The following RBL1 variants were observed in gnomAD, a reference collection of about 807,000 sequenced individuals.
RBL1 encodes the protein retinoblastoma-like protein 1.
RBL1 carries 82 observed loss-of-function variants against 123.0 expected under a neutral mutation model. That is an observed-to-expected ratio of 0.67 (90% CI 0.56 to 0.80). The LOEUF is 0.80. Ranked by LOEUF, RBL1 falls within the 30% of genes least tolerant of loss-of-function variation. The pLI, the probability that RBL1 is intolerant of heterozygous loss-of-function variation, is 0.00. For synonymous variants in RBL1, 405 were observed against 441.3 expected (o/e 0.92, Z 1.03); for missense variants, 1,171 against 1,299.6 (o/e 0.90, Z 1.52).
intron 21 of RBL1, among the ~76,000 whole-genome samples, chr20:37,000,814 T>G: frequency 6.4e-5 from 7 of 108,948 alleles, no homozygotes; most frequent in African/African-American, 1.1e-4. Context: ...GTCCGGGAGG[T>G]GAGGGGCGCC....
At chr20:37,084,654 C>T (rs1240364501) in intron 2 of RBL1, among the ~76,000 whole-genome samples, 1 of 152,030 alleles carries the variant, frequency 6.6e-6, no homozygotes, top group Non-Finnish European at 1.5e-5. Flanking sequence ...GCTGTGATCA[C>T]ACCACTACAC....
intron 2 of RBL1, among the ~76,000 whole-genome samples, chr20:37,072,049 G>A (rs2065289651): frequency 6.6e-6 from 1 of 152,182 alleles, no homozygotes; most frequent in African/African-American, 2.4e-5. Context: ...TGGACATGCT[G>A]ATATAATCTG....
At chr20:37,078,008 C>CA (rs2065391791) in intron 2 of RBL1, among the ~76,000 whole-genome samples, 1 of 152,172 alleles carries the variant, frequency 6.6e-6, no homozygotes, top group East Asian at 1.9e-4. Flanking sequence ...ACCAGTTCCT[C>CA]AGACTTCTTT....
chr20:37,034,611 G>A (rs778726784), intron 15 of RBL1, among the ~76,000 whole-genome samples: 2 of 152,030 alleles, frequency 1.3e-5, no homozygotes, highest in African/African-American at 2.4e-5. Context: ...TTGAGCCTGG[G>A]AGCAGAGGTT....
intron 19 of RBL1, 119 bp downstream of exon 19, chr20:37,018,160 A>G: frequency 8.7e-7 from 1 of 1,144,330 alleles, no homozygotes; most frequent in Non-Finnish European, 1.2e-6. Flanking sequence ...TTCAAAACAT[A>G]TGCATTGTCC....
chr20:37,064,380 C>G (rs941829750), intron 7 of RBL1, among the ~76,000 whole-genome samples: 4 of 151,590 alleles, frequency 2.6e-5, no homozygotes, highest in Non-Finnish European at 5.9e-5. Context: ...TCGTGATCTG[C>G]CTGCCTTGGC....
chr20:37,060,897 T>C (rs1421177785), intron 9 of RBL1, among the ~76,000 whole-genome samples: 1 of 152,176 alleles, frequency 6.6e-6, no homozygotes, highest in Non-Finnish European at 1.5e-5. Flanking sequence ...TACAGGTGTG[T>C]GCCACTGTGC....
intron 2 of RBL1, among the ~76,000 whole-genome samples, chr20:37,084,673 G>A (rs1035756971): frequency 4.6e-5 from 7 of 152,006 alleles, no homozygotes; most frequent in African/African-American, 1.7e-4. Context: ...ACTCCATCCT[G>A]AGTGACAGAG....
chr20:37,081,800 G>A (rs1312545536), intron 2 of RBL1: 1 of 330,374 alleles, frequency 3.0e-6, no homozygotes, highest in Non-Finnish European at 6.0e-6. Flanking sequence ...TTTAATTCCA[G>A]CTCCATCAAG....
intron 2 of RBL1, among the ~76,000 whole-genome samples, chr20:37,085,958 T>A (rs1025072166): frequency 1.1e-4 from 16 of 152,126 alleles, no homozygotes; most frequent in South Asian, 2.1e-4. Flanking sequence ...CTTGTTTTTT[T>A]AATTTGAAAT....
chr20:37,049,402 T>C, intron 11 of RBL1: 1 of 735,758 alleles, frequency 1.4e-6, no homozygotes, highest in Non-Finnish European at 2.5e-6. Flanking sequence ...GGCAAGCAAC[T>C]GGAAGATGTC....
intron 21 of RBL1, among the ~76,000 whole-genome samples, chr20:36,999,709 G>C (rs2063935011): frequency 6.6e-6 from 1 of 152,248 alleles, no homozygotes; most frequent in African/African-American, 2.4e-5. Flanking sequence ...GGCCGGGCCG[G>C]TCTCCAGCTC....
chr20:37,005,316 GAATT>G (rs1373413878), intron 20 of RBL1, among the ~76,000 whole-genome samples: 3 of 151,230 alleles, frequency 2.0e-5, no homozygotes, highest in Non-Finnish European at 4.4e-5. Flanking sequence ...CTGAGTTACA[GAATT>G]GCCTGAACCC....
In RBL1 at chr20:37,037,571, C is replaced by CT. The variant is rs375163790; in HGVS notation, c.1904-2064dup. 4.7e-3 allele frequency among the ~76,000 whole-genome samples: 706 copies of CT among 151,648 alleles called. 9 individuals are homozygous for CT. Among genetic ancestry groups the CT allele is most frequent in the African/African-American group, 0.016 (653 of 41,348 alleles). On this transcript the variant is annotated intron_variant, in intron 14 of 21. Coordinates refer to ENST00000373664, the MANE Select transcript of RBL1 (RefSeq NM_002895.5). ...ATTAATAACTGACAGAAAGAAGAGC[C>CT]TTTTTTTTAACATTTTGACAAGATT...
In RBL1 at chr20:36,996,986, A is replaced by T. The variant is rs2063895879; in HGVS notation, c.*1773T>A. ...AATGAAATTCTTGAGAATACTAATT[A>T]GTGACGGCCAAATCTTAGACTATTT... On this transcript the variant is annotated 3_prime_UTR_variant, in exon 22 of 22. Transcript: ENST00000373664. 1 of 152,230 alleles carries T rather than the reference A, an allele frequency of 6.6e-6. No homozygotes were observed. Among genetic ancestry groups the T allele is most frequent in the African/African-American group, 2.4e-5 (1 of 41,454 alleles). 9.4% of individuals were successfully genotyped at this position (152,230 alleles called of 1,614,324 possible). A position where few individuals can be genotyped will look rare whatever the true frequency, so the allele number is the denominator to read the frequency against.
At chr20:37,089,274 G>C in intron 1 of RBL1, 152 bp from the exon 2 acceptor site, 1 of 660,254 alleles carries the variant, frequency 1.5e-6, no homozygotes. Flanking sequence ...AGGTCACAAA[G>C]CTGTTAGTTG....
chr20:37,054,914 GAC>G (rs1472421180), intron 11 of RBL1, among the ~76,000 whole-genome samples: 1 of 152,020 alleles, frequency 6.6e-6, no homozygotes, highest in Non-Finnish European at 1.5e-5. Context: ...GAAAAAGAAA[GAC>G]ACAGAAAAGA....
chr20:37,075,235 CAG>C (rs2065345614), intron 2 of RBL1, among the ~76,000 whole-genome samples: 1 of 152,126 alleles, frequency 6.6e-6, no homozygotes. Flanking sequence ...TGAATGCTAA[CAG>C]GGGTTTCTTT....
chr20:37,040,221 A>G lies in RBL1; in HGVS notation c.1835T>C (p.Met612Thr), dbSNP rs1240828089. 3.1e-6 allele frequency: 5 copies of G among 1,614,046 alleles called. No homozygotes were observed. Among genetic ancestry groups the G allele is most frequent in the African/African-American group, 2.7e-5 (2 of 74,944 alleles). Residue 612 changes from methionine (M) to threonine (T), a missense_variant, in exon 14 of 22, where the codon ATG (methionine) becomes ACG (threonine). Physicochemically the swap from Met to Thr is moderately conservative, Grantham distance 81. Transcript: ENST00000373664. ...GGNVQGHLPL[M>T]PMSPLMHPRV... ...TGGGTGCATTAGAGGAGACATTGGC[A>G]TCAGGGGAAGATGTCCCTGCACATT... is the stretch of plus-strand genomic sequence containing the variant.
Sources: gnomAD v4.1 joint callset for allele counts (sites outside exome capture counted in the v4.1 genomes callset) on GRCh38, gnomAD v4.1.1 for gene constraint, MANE v1.5 for transcripts, NCBI Gene and HGNC (gene_info 2026-07-23, HGNC 2026-07-21) for gene names.